MCTP2: variants seen among roughly 807,000 people sequenced by gnomAD.
The protein encoded by MCTP2 is multiple C2 and transmembrane domain-containing protein 2.
In MCTP2, 132 loss-of-function variants were observed where a neutral mutation model predicts 111.6. The observed-to-expected ratio is 1.18, with a 90% CI of 1.03 to 1.37. MCTP2 has a LOEUF of 1.37. MCTP2 is among the 40% of genes most tolerant of loss of function. The probability of loss-of-function intolerance (pLI) is 0.00; values close to 1 mark genes in which losing one functional copy is unlikely to be tolerated. For synonymous variants in MCTP2, 395 were observed against 387.7 expected (o/e 1.02, Z -0.22); for missense variants, 1,183 against 1,067.9 (o/e 1.11, Z -1.50).
Position 94,298,575 on chromosome 15 carries a change from G to A in MCTP2, c.310G>A (p.Asp104Asn), listed in dbSNP as rs369360106. The A allele has an allele frequency of 5.0e-6, 8 of 1,614,028 alleles. No homozygotes were observed. Among genetic ancestry groups the A allele is most frequent in the Middle Eastern group, 1.6e-4 (1 of 6,084 alleles). The change falls in exon 2 of 23, where the codon GAT becomes AAT. Residue 104 changes from aspartate to asparagine, a missense_variant. Physicochemically the swap from Asp to Asn is conservative, Grantham distance 23. Coordinates refer to ENST00000357742, the MANE Select transcript of MCTP2 (RefSeq NM_001385001.1). Reference sequence around the variant, plus strand: ...CTTGAAACAGTCTGAAGAAGAATTGGATTGGAGCCAGGAAGAAGCCAGTCA... The same window carrying A: ...CTTGAAACAGTCTGAAGAAGAATTGAATTGGAGCCAGGAAGAAGCCAGTCA... ...SSLKQSEEEL[D>N]WSQEEASHLH... is the part of the protein sequence containing the mutation.
chr15:94,475,043 TATAATTAA>T (rs1324045746), intron 21 of MCTP2, among the ~76,000 whole-genome samples: 4 of 152,192 alleles, frequency 2.6e-5, no homozygotes, highest in Non-Finnish European at 4.4e-5. Flanking sequence ...GCACACCATA[TATAATTAA>T]CAATAGAAGA....
chr15:94,323,151 T>C (rs1433943), intron 4 of MCTP2, among the ~76,000 whole-genome samples: 68,578 of 152,006 alleles, frequency 0.45, 17,392 homozygotes, highest in East Asian at 0.62. Flanking sequence ...TTGGTGAAGA[T>C]TGCTGAACTA....
At chr15:94,471,128 G>A (rs1355040333) in intron 21 of MCTP2, among the ~76,000 whole-genome samples, 1 of 152,210 alleles carries the variant, frequency 6.6e-6, no homozygotes, top group Non-Finnish European at 1.5e-5. Flanking sequence ...GAGTATTAGT[G>A]TCTGTTCCTG....
chr15:94,364,198 GA>G (rs963104557), intron 10 of MCTP2, among the ~76,000 whole-genome samples: 18 of 151,802 alleles, frequency 1.2e-4, no homozygotes, highest in South Asian at 2.1e-4. Context: ...TTTTTTTTGG[GA>G]AAAAACCTTC....
intron 8 of MCTP2, among the ~76,000 whole-genome samples, chr15:94,347,550 G>A (rs545024797): frequency 5.9e-4 from 90 of 151,482 alleles, no homozygotes; most frequent in African/African-American, 2.0e-3. Flanking sequence ...CTTACTGTTC[G>A]GCCCTGGATT....
chr15:94,245,916 C>G (rs949902718), intron 1 of MCTP2, among the ~76,000 whole-genome samples: 13 of 151,986 alleles, frequency 8.6e-5, no homozygotes, highest in African/African-American at 2.9e-4. Flanking sequence ...TTTCAAAAAA[C>G]TTGTCTCCCT....
At chr15:94,420,993 C>A (rs1567672394) in intron 17 of MCTP2, among the ~76,000 whole-genome samples, 2 of 152,116 alleles carry the variant, frequency 1.3e-5, no homozygotes, top group Non-Finnish European at 2.9e-5. Context: ...CCACCCCAGC[C>A]TTCAGCAACC....
rs549520109 is a variant in MCTP2, at chr15:94,346,571, C to G, written c.1005+1407C>G. On this transcript the variant is annotated intron_variant, in intron 8 of 22. Transcript: ENST00000357742. ...AATGCTTTGGGGAAGCCTGACAAAG[C>G]AGTATTTTCTCGTTTATTGATTCTG... Among the ~76,000 whole-genome samples the G allele has an allele frequency of 5.3e-5, 8 of 152,276 alleles. No individual in the cohort carries two copies. The East Asian group carries it at 1.5e-3, about 29-fold the overall frequency.
Position 94,454,825 on chromosome 15 carries a change from A to G in MCTP2, c.2251-3312A>G, listed in dbSNP as rs182870715. Among the ~76,000 whole-genome samples the G allele has an allele frequency of 2.0e-5, 3 of 152,028 alleles. No homozygotes were observed. The East Asian group carries it at 5.8e-4, about 29-fold the overall frequency. On this transcript the variant is annotated intron_variant, in intron 19 of 22. Transcript: ENST00000357742. Reference sequence around the variant, plus strand: ...AAATTCTGAAGTTATACTTTAGGTTATTTTTATTATTATTAGGTGGAGTCT... The same window carrying G: ...AAATTCTGAAGTTATACTTTAGGTTGTTTTTATTATTATTAGGTGGAGTCT...
chr15:94,378,541 C>T (rs2079911286), intron 12 of MCTP2, among the ~76,000 whole-genome samples: 1 of 152,110 alleles, frequency 6.6e-6, no homozygotes, highest in Non-Finnish European at 1.5e-5. Context: ...TTAAAAAATA[C>T]AAATAAAAAG....
chr15:94,464,019 T>G lies in MCTP2; in HGVS notation c.2360+5773T>G, dbSNP rs545527654. 2.0e-5 allele frequency among the ~76,000 whole-genome samples: 3 copies of G among 151,546 alleles called. No homozygotes were observed. The East Asian group carries it at 5.8e-4, about 29-fold the overall frequency. On this transcript the variant is annotated intron_variant, in intron 20 of 22. Transcript: ENST00000357742. ...TTGCAGTTATGATCATCAGTGAGATTGACTTATTTTGTGTTCTTGACATTT... is the reference window on the plus strand; with the variant it reads ...TTGCAGTTATGATCATCAGTGAGATGGACTTATTTTGTGTTCTTGACATTT...
chr15:94,245,357 T>A (rs888615851), intron 1 of MCTP2, among the ~76,000 whole-genome samples: 5 of 103,852 alleles, frequency 4.8e-5, no homozygotes, highest in Non-Finnish European at 1.0e-4. Context: ...CATACATATG[T>A]ATATATATTT....
In MCTP2 at chr15:94,384,123, T is replaced by C. The variant is rs1209142986; in HGVS notation, c.1684T>C (p.Phe562Leu). ...CCCTGAATGGAACAAAGTTTTTACA[T>C]TGTAAGTGCTTTAGCCTCTGGAATT... The part of the protein sequence containing the change: ...LNPEWNKVFT[F>L]PIKDIHDVLE... Residue 562 changes from phenylalanine to leucine, a missense_variant and splice_region_variant, in exon 13 of 23, where the codon TTT (phenylalanine) becomes CTT (leucine). By Grantham distance (22) the Phe-to-Leu change is conservative. Coordinates refer to ENST00000357742, the MANE Select transcript of MCTP2 (RefSeq NM_001385001.1). The C allele has an allele frequency of 5.6e-6, 9 of 1,604,798 alleles. No individual in the cohort carries two copies. The highest frequency in any genetic ancestry group is 1.7e-5 in the Admixed American group (1 of 59,954).
chr15:94,360,853 T>TG (rs34036047), intron 10 of MCTP2, among the ~76,000 whole-genome samples: 1 of 45,478 alleles, frequency 2.2e-5, no homozygotes, highest in Non-Finnish European at 4.3e-5. Flanking sequence ...TTTTAAAGAA[T>TG]TTTTTTTTTT....
At chr15:94,242,479 C>T (rs959811702) in intron 1 of MCTP2, among the ~76,000 whole-genome samples, 1 of 152,082 alleles carries the variant, frequency 6.6e-6, no homozygotes, top group Non-Finnish European at 1.5e-5. Flanking sequence ...TCTCAGAGAT[C>T]AGGCATCTGT....
At chr15:94,413,409 A>T (rs1175549553) in intron 17 of MCTP2, among the ~76,000 whole-genome samples, 1 of 152,132 alleles carries the variant, frequency 6.6e-6, no homozygotes, top group Non-Finnish European at 1.5e-5. Context: ...TACAGATTTC[A>T]TTAGGAAAAT....
intron 16 of MCTP2, among the ~76,000 whole-genome samples, chr15:94,400,223 G>A (rs1166439339): frequency 6.6e-6 from 1 of 152,070 alleles, no homozygotes; most frequent in East Asian, 1.9e-4. Context: ...TAATTCTTGG[G>A]TGAAACAGAA....
At chr15:94,424,063 G>A (rs2082756924) in intron 17 of MCTP2, among the ~76,000 whole-genome samples, 2 of 151,998 alleles carry the variant, frequency 1.3e-5, no homozygotes, top group Non-Finnish European at 2.9e-5. Flanking sequence ...TTGTGGTTTT[G>A]CCATCTTTGT....
intron 17 of MCTP2, among the ~76,000 whole-genome samples, chr15:94,404,463 G>A (rs1162621979): frequency 2.6e-5 from 4 of 151,740 alleles, no homozygotes; most frequent in Admixed American, 6.6e-5. Context: ...CACCATGCCC[G>A]GCTAATTTTT....
Sources: allele counts gnomAD v4.1 joint callset (sites outside exome capture counted in the v4.1 genomes callset), GRCh38; gene constraint gnomAD v4.1.1; transcripts MANE v1.5; gene names NCBI Gene and HGNC (gene_info 2026-07-23, HGNC 2026-07-21).